The following PLXNA4 variants were observed in gnomAD, a reference collection of about 807,000 sequenced individuals.
The protein encoded by PLXNA4 is plexin-A4.
Under a neutral mutation model 191.8 loss-of-function variants are expected in PLXNA4, and 44 were observed. The ratio of observed to expected loss-of-function variants is 0.23; its 90% CI spans 0.18 to 0.29. The LOEUF is 0.29. PLXNA4 is among the 10% of genes least tolerant of loss of function. PLXNA4 has a pLI of 1.00. For missense variants in PLXNA4, 1,800 were observed against 2,488.8 expected, an observed-to-expected ratio of 0.72 and a Z score of 5.89; for synonymous variants, 1,082 against 1,009.5, an observed-to-expected ratio of 1.07 and a Z score of -1.36.
intron 5 of PLXNA4, among the ~76,000 whole-genome samples, chr7:132,228,847 C>T (rs533372668): frequency 1.3e-5 from 2 of 152,282 alleles, no homozygotes; most frequent in East Asian, 3.9e-4. Flanking sequence ...AAATATACCT[C>T]CTTGGCTTTG....
chr7:132,644,281 C>T (rs1184453811), intron 2 of PLXNA4, among the ~76,000 whole-genome samples: 2 of 152,194 alleles, frequency 1.3e-5, no homozygotes, highest in Non-Finnish European at 2.9e-5. Flanking sequence ...GGTGCTTAGG[C>T]TTAGCTTGAA....
At chr7:132,479,026 G>A (rs1797235387) in intron 3 of PLXNA4, among the ~76,000 whole-genome samples, 1 of 152,046 alleles carries the variant, frequency 6.6e-6, no homozygotes, top group Non-Finnish European at 1.5e-5. Flanking sequence ...TCAGAATTTT[G>A]GGAGGCCGAG....
chr7:132,471,116 G>A (rs1313232803), intron 3 of PLXNA4, among the ~76,000 whole-genome samples: 1 of 152,130 alleles, frequency 6.6e-6, no homozygotes, highest in Non-Finnish European at 1.5e-5. Context: ...TCGAGATTTT[G>A]TTGTTTAAAG....
At chr7:132,340,640 T>C (rs1303208967) in intron 3 of PLXNA4, among the ~76,000 whole-genome samples, 2 of 152,106 alleles carry the variant, frequency 1.3e-5, no homozygotes, top group Non-Finnish European at 2.9e-5. Flanking sequence ...AATTGGGAAA[T>C]TGGAAACAAT....
chr7:132,151,422 AGG>A (rs1367369404), intron 25 of PLXNA4, among the ~76,000 whole-genome samples: 8 of 104,306 alleles, frequency 7.7e-5, no homozygotes, highest in African/African-American at 2.9e-4. Flanking sequence ...GAGGAGGAGG[AGG>A]AGGAGGAAGG....
intron 2 of PLXNA4, among the ~76,000 whole-genome samples, chr7:132,640,692 C>T (rs1045433258): frequency 4.6e-5 from 7 of 151,790 alleles, no homozygotes; most frequent in African/African-American, 1.7e-4. Context: ...TTTGTTATGG[C>T]AGCCCAAGCT....
At chr7:132,312,981 C>T (rs1801804723) in intron 3 of PLXNA4, among the ~76,000 whole-genome samples, 2 of 152,196 alleles carry the variant, frequency 1.3e-5, no homozygotes, top group African/African-American at 4.8e-5. Flanking sequence ...GGCTTACCCT[C>T]CTGTGAGTCG....
intron 3 of PLXNA4, among the ~76,000 whole-genome samples, chr7:132,382,711 T>C (rs565099058): frequency 1.3e-5 from 2 of 152,350 alleles, no homozygotes; most frequent in East Asian, 3.9e-4. Context: ...CTGCCCTTTG[T>C]ATTCAAAGAC....
At chr7:132,374,694 G>C (rs1295788743) in intron 3 of PLXNA4, among the ~76,000 whole-genome samples, 1 of 152,174 alleles carries the variant, frequency 6.6e-6, no homozygotes, top group East Asian at 1.9e-4. Context: ...CCAAACTCCT[G>C]TTTTGCCAGC....
chr7:132,236,668 G>T (rs577685787), intron 5 of PLXNA4, among the ~76,000 whole-genome samples: 1 of 152,166 alleles, frequency 6.6e-6, no homozygotes, highest in Non-Finnish European at 1.5e-5. Context: ...TGCTGGGCAC[G>T]AAGGGAGAAG....
intron 3 of PLXNA4, among the ~76,000 whole-genome samples, chr7:132,399,907 T>C (rs117983467): frequency 6.4e-4 from 97 of 152,240 alleles, no homozygotes; most frequent in Admixed American, 1.0e-3. Flanking sequence ...TGCCTTCACC[T>C]GTGTAACTAA....
chr7:132,368,192 G>A (rs184927635), intron 3 of PLXNA4, among the ~76,000 whole-genome samples: 18 of 152,308 alleles, frequency 1.2e-4, no homozygotes, highest in South Asian at 2.1e-4. Context: ...GGGCAGTGTC[G>A]CCTCCATAAG....
At position 132,179,310 on chromosome 7, in the gene PLXNA4, TACAC is replaced by T. The variant is rs1371377397; in HGVS notation, c.3874+373_3874+376del. On this transcript the variant is annotated intron_variant, in intron 20 of 31. Coordinates refer to ENST00000321063, the MANE Select transcript of PLXNA4 (RefSeq NM_020911.2). Reference sequence around the variant, plus strand: ...TGTAAATGGAACACATACACATACATACACACACATGCACACGCACACACAGAGC... The same window carrying T: ...TGTAAATGGAACACATACACATACATACACATGCACACGCACACACAGAGC... Among the ~76,000 whole-genome samples, 2 of 105,188 alleles carry T rather than the reference TACAC, an allele frequency of 1.9e-5. 1 individual carries two copies. The highest frequency in any genetic ancestry group is 1.8e-4 in the Admixed American group (2 of 11,174). The allele number at this position is 105,188 out of a possible 152,430, so 69.0% of individuals were successfully genotyped here. A position where few individuals can be genotyped will look rare whatever the true frequency, so the allele number is the denominator to read the frequency against.
Position 132,487,881 on chromosome 7 carries a change from G to A in PLXNA4, c.1371+1411C>T, listed in dbSNP as rs138570575. Among the ~76,000 whole-genome samples the A allele has an allele frequency of 9.6e-4, 146 of 152,312 alleles. 1 individual carries two copies. Among genetic ancestry groups the A allele is most frequent in the African/African-American group, 2.5e-3 (102 of 41,582 alleles). On this transcript the variant is annotated intron_variant, in intron 3 of 31. Coordinates refer to ENST00000321063, the MANE Select transcript of PLXNA4 (RefSeq NM_020911.2). ...AGGCAGCAAGGAAAGATTCCATTGC[G>A]CTTACCATTTTCTTCACAGAACGGA...
intron 29 of PLXNA4, among the ~76,000 whole-genome samples, chr7:132,142,925 G>C (rs889443390): frequency 6.6e-6 from 1 of 152,202 alleles, no homozygotes; most frequent in Non-Finnish European, 1.5e-5. Context: ...CCTCAAGCCA[G>C]TTTTGCTGAC....
chr7:132,343,106 ATTTTT>A (rs5887567), intron 3 of PLXNA4, among the ~76,000 whole-genome samples: 1 of 147,504 alleles, frequency 6.8e-6, no homozygotes. Context: ...AACAGTTAAG[ATTTTT>A]TTTTTTTAAG....
intron 8 of PLXNA4, among the ~76,000 whole-genome samples, chr7:132,224,410 T>C (rs1446905473): frequency 6.6e-6 from 1 of 152,026 alleles, no homozygotes; most frequent in Admixed American, 6.5e-5. Flanking sequence ...CTCCCGTGAA[T>C]CTCTTGGCTG....
chr7:132,529,734 T>C (rs925468199), intron 1 of PLXNA4, among the ~76,000 whole-genome samples: 2 of 151,838 alleles, frequency 1.3e-5, no homozygotes, highest in Non-Finnish European at 2.9e-5. Flanking sequence ...GCCTCCCAAG[T>C]AGCTGGGACT....
Position 132,140,727 on chromosome 7 carries a change from G to T in PLXNA4, c.5310C>A (p.Cys1770Ter). ...DIHKNSITDA[C>*]LSVVAQTFMD... ...TGAAGGTCTGAGCCACCACAGAGAG[G>T]CAGGCGTCTGTGATGCTGTTCTTAT... is the stretch of plus-strand genomic sequence containing the variant. The change falls in exon 30 of 32, where the codon TGC (cysteine) becomes TGA (stop). Residue 1770 changes from cysteine to a stop codon, truncating the protein, a stop_gained. Coordinates refer to ENST00000321063, the MANE Select transcript of PLXNA4 (RefSeq NM_020911.2). LOFTEE classifies it high-confidence loss of function. 6.2e-7 allele frequency: 1 copy of T among 1,614,134 alleles called. No individual in the cohort carries two copies. Among genetic ancestry groups the T allele is most frequent in the Non-Finnish European group, 8.5e-7 (1 of 1,180,024 alleles).
Sources: gnomAD v4.1 joint callset for allele counts (sites outside exome capture counted in the v4.1 genomes callset) on GRCh38, gnomAD v4.1.1 for gene constraint, MANE v1.5 for transcripts, NCBI Gene and HGNC (gene_info 2026-07-23, HGNC 2026-07-21) for gene names.